The following FGF13 variants were observed in gnomAD, a reference collection of about 807,000 sequenced individuals.
FGF13 encodes fibroblast growth factor homologous factor 2.
A neutral mutation model predicts 19.5 loss-of-function variants in FGF13; 2 were observed. The observed-to-expected ratio is 0.10, with a 90% CI of 0.04 to 0.32. The LOEUF (loss-of-function observed/expected upper bound fraction) is 0.32, where lower values mean the gene tolerates loss of function less well. Among genes scored for constraint, FGF13 ranks in the 10% least tolerant of loss-of-function variants. FGF13 has a pLI of 1.00. For missense variants in FGF13, 113 were observed against 192.7 expected (o/e 0.59, Z 2.45); for synonymous variants, 72 against 76.9 (o/e 0.94, Z 0.33).
rs770607549 is a variant in FGF13, at chrX:138,703,163, G to A, written c.299-76C>T. 25 of 774,422 alleles carry A rather than the reference G, an allele frequency of 3.2e-5. No homozygotes were observed. The South Asian group carries it at 5.3e-4, about 16-fold the overall frequency. The allele number at this position is 774,422 out of a possible 1,213,427, so 63.8% of individuals were successfully genotyped here. A position where few individuals can be genotyped will look rare whatever the true frequency, so the allele number is the denominator to read the frequency against. On this transcript the variant is annotated intron_variant, in intron 2 of 4. Coordinates refer to ENST00000315930, the MANE Select transcript of FGF13 (RefSeq NM_004114.5). ...ACTTTTCAATGTTTCCAGCAGGACT[G>A]CCTGGTCCTCCAAAAGTAGTGTGTA...
At chrX:138,888,518 A>G (rs1340807685) in intron 1 of FGF13, among the ~76,000 whole-genome samples, 2 of 110,346 alleles carry the variant, frequency 1.8e-5, no homozygotes, top group African/African-American at 3.3e-5. Context: ...TTTATCTGTG[A>G]TGGTGATTCT....
At chrX:139,036,549 C>A (rs2077721778) in intron 1 of FGF13, among the ~76,000 whole-genome samples, 1 of 111,429 alleles carries the variant, frequency 9.0e-6, no homozygotes, top group African/African-American at 3.3e-5. Flanking sequence ...CATCACCCCA[C>A]ATCCTTTTCC....
At chrX:139,062,342 G>A (rs2092339172) in intron 1 of FGF13, among the ~76,000 whole-genome samples, 1 of 111,362 alleles carries the variant, frequency 9.0e-6, no homozygotes, top group Non-Finnish European at 1.9e-5. Context: ...TGTGTTCTTG[G>A]CTCCTTTATC....
At chrX:138,975,545 A>T (rs193293282) in intron 1 of FGF13, among the ~76,000 whole-genome samples, 1 of 111,244 alleles carries the variant, frequency 9.0e-6, no homozygotes, top group Admixed American at 9.5e-5. Context: ...AAAAAAAAAG[A>T]AGAAGAAAGG....
At chrX:138,666,371 G>T (rs547365140) in intron 3 of FGF13, among the ~76,000 whole-genome samples, 51 of 111,742 alleles carry the variant, frequency 4.6e-4, no homozygotes, top group Non-Finnish European at 7.9e-4. Flanking sequence ...GGAAATTCAT[G>T]AGAAAGCTAC....
intron 1 of FGF13, among the ~76,000 whole-genome samples, chrX:139,015,916 C>T (rs967126546): frequency 1.4e-4 from 16 of 111,351 alleles, no homozygotes; most frequent in African/African-American, 4.6e-4. Context: ...ACATCTACAG[C>T]GAACTCATTT....
chrX:139,149,403 G>A (rs1409017029), intron 1 of FGF13, among the ~76,000 whole-genome samples: 4 of 112,222 alleles, frequency 3.6e-5, no homozygotes, highest in Non-Finnish European at 5.6e-5. Context: ...ATGTACATAG[G>A]AACCTAATCT....
At chrX:138,944,685 C>G (rs2091773879) in intron 1 of FGF13, among the ~76,000 whole-genome samples, 1 of 110,900 alleles carries the variant, frequency 9.0e-6, no homozygotes, top group African/African-American at 3.3e-5. Flanking sequence ...CGAAAATCCT[C>G]TAAAGCACTC....
intron 1 of FGF13, among the ~76,000 whole-genome samples, chrX:139,163,233 T>G (rs190637995): frequency 8.9e-5 from 10 of 111,741 alleles, no homozygotes; most frequent in Admixed American, 3.8e-4. Flanking sequence ...TGAGTTTATG[T>G]CCTTTGCAGG....
chrX:138,953,098 A>C (rs1317672442), intron 1 of FGF13, among the ~76,000 whole-genome samples: 1 of 111,583 alleles, frequency 9.0e-6, no homozygotes, highest in Non-Finnish European at 1.9e-5. Context: ...AAAGGATTAT[A>C]AATCATGCTG....
intron 1 of FGF13, among the ~76,000 whole-genome samples, chrX:139,033,046 A>C (rs993884543): frequency 1.7e-4 from 18 of 104,603 alleles, no homozygotes; most frequent in African/African-American, 6.2e-4. Context: ...AAAAAAAAAA[A>C]AAAAAAAAAC....
intron 1 of FGF13, among the ~76,000 whole-genome samples, chrX:138,929,162 C>G (rs73241086): frequency 0.037 from 4,147 of 110,902 alleles, 86 homozygotes; most frequent in Non-Finnish European, 0.059. Context: ...TCTGTTGGAT[C>G]CTCAAACTAG....
chrX:139,179,236 G>C (rs2084218728), intron 1 of FGF13, among the ~76,000 whole-genome samples: 1 of 111,280 alleles, frequency 9.0e-6, no homozygotes, highest in South Asian at 3.8e-4. Context: ...ACCCCAATGT[G>C]GTCCCTTCTT....
intron 1 of FGF13, among the ~76,000 whole-genome samples, chrX:139,011,337 G>T (rs2092127025): frequency 1.2e-5 from 1 of 80,651 alleles, no homozygotes; most frequent in Non-Finnish European, 2.4e-5. Context: ...CAAAAACCAG[G>T]GAAGGACCTA....
At chrX:139,072,028 A>AT (rs2124434072) in intron 1 of FGF13, among the ~76,000 whole-genome samples, 1 of 107,486 alleles carries the variant, frequency 9.3e-6, no homozygotes, top group Non-Finnish European at 1.9e-5. Flanking sequence ...AAAAAAAAAA[A>AT]AAAGCCTTTA....
At chrX:138,795,443 A>G (rs2090771035) in intron 3 of FGF13, among the ~76,000 whole-genome samples, 1 of 112,310 alleles carries the variant, frequency 8.9e-6, no homozygotes, top group Admixed American at 9.5e-5. Flanking sequence ...ATCCAAATTG[A>G]ATGGCTGTCA....
rs2090040122 is a variant in FGF13 at position 138,710,998 on chromosome X, C to T, written c.6G>A (p.Ala2=). 8.3e-7 allele frequency: 1 copy of T among 1,209,726 alleles called. No homozygotes were observed. The highest frequency in any genetic ancestry group is 1.1e-6 in the Non-Finnish European group (1 of 894,778). The change falls in exon 1 of 5, where the codon GCG becomes GCA. Residue 2 remains alanine (A), a synonymous_variant. Coordinates refer to ENST00000315930, the MANE Select transcript of FGF13 (RefSeq NM_004114.5). M[A]AAIASSLIRQ... ...GGATGAGCGAGCTGGCGATAGCCGC[C>T]GCCATGGCCACGACGCCCACCACCA...
chrX:138,839,835 T>C (rs139701148), intron 3 of FGF13, among the ~76,000 whole-genome samples: 1 of 112,045 alleles, frequency 8.9e-6, no homozygotes, highest in East Asian at 2.8e-4. Context: ...AAACTTATAG[T>C]TCAAAATTCA....
At chrX:138,901,862 C>T (rs1340256170) in intron 1 of FGF13, among the ~76,000 whole-genome samples, 1 of 111,735 alleles carries the variant, frequency 8.9e-6, no homozygotes, top group Non-Finnish European at 1.9e-5. Context: ...AAGAAAAAAA[C>T]GGCAAGCAAA....
Sources: gnomAD v4.1 joint callset for allele counts (sites outside exome capture counted in the v4.1 genomes callset) on GRCh38, gnomAD v4.1.1 for gene constraint, MANE v1.5 for transcripts, NCBI Gene and HGNC (gene_info 2026-07-23, HGNC 2026-07-21) for gene names.